AGO2: variants seen among roughly 807,000 people sequenced by gnomAD.
The protein encoded by AGO2 is protein argonaute-2.
AGO2 carries 5 observed loss-of-function variants against 102.3 expected under a neutral mutation model. The observed-to-expected ratio is 0.05, with a 90% CI of 0.03 to 0.10. The LOEUF is 0.10. AGO2 is among the 10% of genes least tolerant of loss of function. The pLI, the probability that AGO2 is intolerant of heterozygous loss-of-function variation, is 1.00. For missense variants in AGO2, 541 were observed against 1,183.7 expected (o/e 0.46, Z 7.97); for synonymous variants, 449 against 473.1 (o/e 0.95, Z 0.66).
chr8:140,561,694 G>A (rs929597993), intron 4 of AGO2, among the ~76,000 whole-genome samples: 1 of 152,190 alleles, frequency 6.6e-6, no homozygotes, highest in African/African-American at 2.4e-5. Flanking sequence ...TGGCCTCAAA[G>A]CACCTTCTCT....
chr8:140,556,051 G>C (rs765001898), intron 9 of AGO2, 33 bp from the exon 10 acceptor site: 3 of 1,612,884 alleles, frequency 1.9e-6, no homozygotes, highest in Non-Finnish European at 2.5e-6. Context: ...CGCACGGAGT[G>C]GGTGGAGGCC....
Position 140,557,026 on chromosome 8 carries a change from T to C in AGO2, c.1026+63A>G, listed in dbSNP as rs1347670793. 6.4e-7 allele frequency: 1 copy of C among 1,550,478 alleles called. No individual in the cohort carries two copies. Among genetic ancestry groups the C allele is most frequent in the East Asian group, 2.3e-5 (1 of 43,904 alleles). On this transcript the variant is annotated intron_variant, in intron 8 of 18. Coordinates refer to ENST00000220592, the MANE Select transcript of AGO2 (RefSeq NM_012154.5). This position sits in a 1 kb window ranked among gnomAD's most constrained non-coding sequence, Gnocchi z 5.9. ...GCCTCGGCGGTTTCTCGAAGCTGCA[T>C]GCCCCAGCCTGGGACGCCGCCCTCC...
chr8:140,608,727 C>G (rs1242710366), intron 1 of AGO2, among the ~76,000 whole-genome samples: 1 of 152,240 alleles, frequency 6.6e-6, no homozygotes, highest in Non-Finnish European at 1.5e-5. Flanking sequence ...ACTGATCCAG[C>G]ACCCCTTAAA....
At chr8:140,550,605 A>G (rs1019436194) in intron 11 of AGO2, among the ~76,000 whole-genome samples, 1 of 151,652 alleles carries the variant, frequency 6.6e-6, no homozygotes, top group African/African-American at 2.4e-5. Flanking sequence ...CCACCTCTCT[A>G]TTTCACCTTC....
intron 1 of AGO2, chr8:140,591,795 C>T: frequency 6.6e-6 from 1 of 152,154 alleles, no homozygotes; most frequent in Admixed American, 6.5e-5. Context: ...CTCTTTGATC[C>T]ACCATCTGTC....
chr8:140,542,163 C>T (rs530244606), intron 14 of AGO2, among the ~76,000 whole-genome samples: 1 of 152,240 alleles, frequency 6.6e-6, no homozygotes, highest in Admixed American at 6.5e-5. Flanking sequence ...GCCAAGGGAG[C>T]GTGAGGGATG....
chr8:140,536,703 C>G (rs756572787), intron 16 of AGO2, among the ~76,000 whole-genome samples: 3 of 152,208 alleles, frequency 2.0e-5, no homozygotes, highest in Non-Finnish European at 4.4e-5. Context: ...CAATTATTTT[C>G]CATTCTAGGA....
chr8:140,606,474 C>T (rs2073999642), intron 1 of AGO2, among the ~76,000 whole-genome samples: 1 of 152,148 alleles, frequency 6.6e-6, no homozygotes, highest in Non-Finnish European at 1.5e-5. Flanking sequence ...TGCTTAAAAA[C>T]GCAGTTTCCA....
At chr8:140,568,944 G>A (rs10094459) in intron 3 of AGO2, among the ~76,000 whole-genome samples, 5,974 of 152,272 alleles carry the variant, frequency 0.039, 165 homozygotes, top group Non-Finnish European at 0.059. Flanking sequence ...AGATGCTTGC[G>A]CCAGGCCCAG....
chr8:140,559,290 C>T (rs2073156663), intron 6 of AGO2, 105 bp downstream of exon 6: 6 of 1,433,898 alleles, frequency 4.2e-6, no homozygotes, highest in South Asian at 1.3e-5. Flanking sequence ...CCACCCCCAC[C>T]TCCCCAAATG....
chr8:140,629,910 G>C lies in AGO2; in HGVS notation c.22+5575C>G, dbSNP rs1468107085. 1.2e-4 allele frequency among the ~76,000 whole-genome samples: 18 copies of C among 146,898 alleles called. No homozygotes were observed. In the East Asian group the frequency reaches 3.5e-3, roughly 29 times the overall value. On this transcript the variant is annotated intron_variant, in intron 1 of 18. Transcript: ENST00000220592. ...GAGGAGGGGAGGGGAGGGGAGCGGA[G>C]GCGAGGGGAGGGGAGCGGAGGGGAG...
chr8:140,569,958 T>G (rs557953358), intron 3 of AGO2, among the ~76,000 whole-genome samples: 2 of 152,208 alleles, frequency 1.3e-5, no homozygotes, highest in Admixed American at 6.5e-5. Context: ...ACGATTCCGC[T>G]CTTACCACAA....
intron 7 of AGO2, 27 bp downstream of exon 7, chr8:140,558,458 G>C (rs1467515177): frequency 6.8e-6 from 11 of 1,613,670 alleles, no homozygotes; most frequent in Non-Finnish European, 9.3e-6. Flanking sequence ...CCCCAGCCAA[G>C]AGAGTCTGAA....
chr8:140,547,647 C>A lies in AGO2; in HGVS notation c.1589-20G>T, dbSNP rs757926747. 6.2e-6 allele frequency: 10 copies of A among 1,600,734 alleles called. No homozygotes were observed. The Admixed American group carries it at 1.7e-4, about 27-fold the overall frequency. On this transcript the variant is annotated intron_variant, in intron 12 of 18. Coordinates refer to ENST00000220592, the MANE Select transcript of AGO2 (RefSeq NM_012154.5). ...CCTCGGCTAAGGGACATGAGAGGCA[C>A]ACACAGCTCTGCCGGCGCCCCTTCC...
chr8:140,532,226 A>G (rs2072610506), intron 18 of AGO2, 74 bp from the exon 19 acceptor site: 4 of 1,480,270 alleles, frequency 2.7e-6, no homozygotes, highest in Non-Finnish European at 3.7e-6. Context: ...TCGATCACTA[A>G]GTCGGGATGG....
chr8:140,553,338 C>G (rs963340139), intron 10 of AGO2, among the ~76,000 whole-genome samples: 1 of 151,840 alleles, frequency 6.6e-6, no homozygotes. Context: ...GAGCTATGAC[C>G]GCGTCACTGC....
intron 1 of AGO2, among the ~76,000 whole-genome samples, chr8:140,596,288 G>C (rs2073842353): frequency 6.6e-6 from 1 of 152,156 alleles, no homozygotes; most frequent in African/African-American, 2.4e-5. Flanking sequence ...CTAAGTTAAA[G>C]AAAACAGAAG....
chr8:140,557,334 G>A lies in AGO2; in HGVS notation c.879-98C>T, dbSNP rs2073114414. The A allele has an allele frequency of 1.4e-6, 2 of 1,432,830 alleles. No homozygotes were observed. The highest frequency in any genetic ancestry group is 2.4e-5 in the East Asian group (1 of 41,902). The allele number at this position is 1,432,830 out of a possible 1,614,324, so 88.8% of individuals were successfully genotyped here. A position where few individuals can be genotyped will look rare whatever the true frequency, so the allele number is the denominator to read the frequency against. ...TTTGCTTTTTAGGGTGACGTGTGAG[G>A]AGCAAACATTCAGAGCACTTCCGGG... On this transcript the variant is annotated intron_variant, in intron 7 of 18. Coordinates refer to ENST00000220592, the MANE Select transcript of AGO2 (RefSeq NM_012154.5). The surrounding 1 kb of genome is among the most constrained non-coding windows in gnomAD (Gnocchi z 5.9).
At chr8:140,563,061 G>A in intron 3 of AGO2, among the ~76,000 whole-genome samples, 1 of 152,158 alleles carries the variant, frequency 6.6e-6, no homozygotes, top group Non-Finnish European at 1.5e-5. Context: ...ATCGCGATCT[G>A]GCCCTCATAC....
Sources: allele counts gnomAD v4.1 joint callset (sites outside exome capture counted in the v4.1 genomes callset), GRCh38; gene constraint gnomAD v4.1.1; non-coding constraint Gnocchi (gnomAD v3.1); transcripts MANE v1.5; gene names NCBI Gene and HGNC (gene_info 2026-07-23, HGNC 2026-07-21).